The following PDHB variants were observed in gnomAD, a reference collection of about 807,000 sequenced individuals.
PDHB encodes the protein pyruvate dehydrogenase E1 subunit beta, also known as pyruvate dehydrogenase E1 component subunit beta, mitochondrial.
In PDHB, 17 loss-of-function variants were observed where a neutral mutation model predicts 42.8. The ratio of observed to expected loss-of-function variants is 0.40; its 90% CI spans 0.27 to 0.60. PDHB has a LOEUF of 0.60. PDHB is among the 20% of genes least tolerant of loss of function. PDHB has a pLI of 0.46. For missense variants in PDHB, 322 were observed against 451.3 expected, an observed-to-expected ratio of 0.71 and a Z score of 2.60; for synonymous variants, 154 against 148.7, an observed-to-expected ratio of 1.04 and a Z score of -0.26.
chr3:58,430,995 T>C (rs2107939927), intron 5 of PDHB, 53 bp from the exon 6 acceptor site: 3 of 1,511,870 alleles, frequency 2.0e-6, no homozygotes, highest in East Asian at 4.5e-5. Flanking sequence ...CAACAAACAG[T>C]AGCAAACAAA....
At position 58,431,339 on chromosome 3, in the gene PDHB, A is replaced by C. The variant is rs1411889701; in HGVS notation, c.303+254T>G. ...CAAGGCGGTCGGATCACTTGAGGCC[A>C]GGAGTTCAAGACCAGCCTGGCCAAC... On this transcript the variant is annotated intron_variant, in intron 5 of 9. Coordinates refer to ENST00000302746, the MANE Select transcript of PDHB (RefSeq NM_000925.4). The surrounding 1 kb of genome is among the most constrained non-coding windows in gnomAD (Gnocchi z 4.4). 4 of 497,726 alleles carry C rather than the reference A, an allele frequency of 8.0e-6. No homozygotes were observed. The highest frequency in any genetic ancestry group is 1.1e-5 in the Non-Finnish European group (3 of 275,830). 30.8% of individuals were successfully genotyped at this position (497,726 alleles called of 1,614,324 possible). A position where few individuals can be genotyped will look rare whatever the true frequency, so the allele number is the denominator to read the frequency against.
intron 2 of PDHB, 69 bp downstream of exon 2, chr3:58,433,562 T>G: frequency 1.3e-6 from 2 of 1,522,416 alleles, no homozygotes; most frequent in African/African-American, 1.4e-5. Flanking sequence ...CAGGCGCGAC[T>G]CCGGCCTCCT....
At position 58,428,183 on chromosome 3, in the gene PDHB, G is replaced by A; in HGVS notation, c.935-4C>T. The A allele has an allele frequency of 6.2e-7, 1 of 1,613,822 alleles. No homozygotes were observed. Among genetic ancestry groups the A allele is most frequent in the East Asian group, 2.2e-5 (1 of 44,902 alleles). Reference sequence around the variant, plus strand: ...TCCAGGAAATTGAACGCAGGACCTAGGAGAAGGAAGGCTCAACTGAGAGAG... The same window carrying A: ...TCCAGGAAATTGAACGCAGGACCTAAGAGAAGGAAGGCTCAACTGAGAGAG... On this transcript the variant is annotated splice_polypyrimidine_tract_variant and splice_region_variant and intron_variant, in intron 9 of 9. Transcript: ENST00000302746.
At chr3:58,432,101 G>A (rs1320437765) in intron 2 of PDHB, 117 bp from the exon 3 acceptor site, 1 of 735,736 alleles carries the variant, frequency 1.4e-6, no homozygotes, top group Non-Finnish European at 2.4e-6. Flanking sequence ...ACTAGAACAA[G>A]CTTCTCTCTA....
At position 58,433,796 on chromosome 3, in the gene PDHB, G is replaced by C. The variant is rs1053613186; in HGVS notation, c.14C>G (p.Ser5Cys). MAAV[S>C]GLVRRPLREV... Reference sequence around the variant, plus strand: ...CCGAAGGGGTCTCCGCACCAAGCCAGACACCGCCGCCATCTTGGTCGTGTC... The same window carrying C: ...CCGAAGGGGTCTCCGCACCAAGCCACACACCGCCGCCATCTTGGTCGTGTC... Residue 5 changes from serine (S) to cysteine (C), a missense_variant, in exon 1 of 10, where the codon TCT becomes TGT. Coordinates refer to ENST00000302746, the MANE Select transcript of PDHB (RefSeq NM_000925.4). 3.7e-6 allele frequency: 6 copies of C among 1,611,722 alleles called. No homozygotes were observed. Among genetic ancestry groups the C allele is most frequent in the East Asian group, 2.2e-5 (1 of 44,812 alleles).
At position 58,433,788 on chromosome 3, in the gene PDHB, C is replaced by T. The variant is rs769880461; in HGVS notation, c.22G>A (p.Val8Met). 2.5e-6 allele frequency: 4 copies of T among 1,612,082 alleles called. No homozygotes were observed. Among genetic ancestry groups the T allele is most frequent in the Non-Finnish European group, 3.4e-6 (4 of 1,179,572 alleles). MAAVSGL[V>M]RRPLREVSGL... ...CCTACCTCCCGAAGGGGTCTCCGCA[C>T]CAAGCCAGACACCGCCGCCATCTTG... is the stretch of plus-strand genomic sequence containing the variant. Residue 8 changes from valine to methionine, a missense_variant, in exon 1 of 10, where the codon GTG (valine) becomes ATG (methionine). By Grantham distance (21) the Val-to-Met change is conservative. Coordinates refer to ENST00000302746, the MANE Select transcript of PDHB (RefSeq NM_000925.4).
chr3:58,431,759 T>C lies in PDHB; in HGVS notation c.239A>G (p.Lys80Arg), dbSNP rs1455283629. Residue 80 changes from lysine (K) to arginine (R), a missense_variant, in exon 4 of 10, where the codon AAG (lysine) becomes AGG (arginine). This residue lies in a region of PDHB where 56 missense variants were observed against 124.2 expected (regional missense o/e 0.45). Coordinates refer to ENST00000302746, the MANE Select transcript of PDHB (RefSeq NM_000925.4). This position sits in a 1 kb window ranked among gnomAD's most constrained non-coding sequence, Gnocchi z 4.4. ...TGATATGGGAGTGTCAATAATCCTC[T>C]TGTCTCCATATTTCTTCCACAGCCC... Reference protein sequence around the residue: ...SRGLWKKYGDKRIIDTPISEM... With the variant: ...SRGLWKKYGDRRIIDTPISEM... 3.1e-6 allele frequency: 5 copies of C among 1,613,958 alleles called. No individual in the cohort carries two copies. Among genetic ancestry groups the C allele is most frequent in the Middle Eastern group, 1.6e-4 (1 of 6,062 alleles).
intron 9 of PDHB, 47 bp downstream of exon 9, chr3:58,428,426 G>A (rs1464962619): frequency 3.1e-6 from 5 of 1,595,122 alleles, no homozygotes; most frequent in Non-Finnish European, 4.3e-6. Context: ...GGTACATGAT[G>A]TTTACTATAG....
At position 58,433,751 on chromosome 3, in the gene PDHB, C is replaced by T. The variant is rs758723673; in HGVS notation, c.42+17G>A. The stretch of plus-strand genomic sequence containing the variant: ...GCAGGGGTCGCGTGGGAATACAGGC[C>T]GCGCGCTGCTGCCTACCTCCCGAAG... On this transcript the variant is annotated intron_variant, in intron 1 of 9. Coordinates refer to ENST00000302746, the MANE Select transcript of PDHB (RefSeq NM_000925.4). The T allele has an allele frequency of 3.1e-6, 5 of 1,612,190 alleles. No homozygotes were observed. Among genetic ancestry groups the T allele is most frequent in the Admixed American group, 3.3e-5 (2 of 59,878 alleles).
intron 6 of PDHB, 50 bp downstream of exon 6, chr3:58,430,602 TATATC>T: frequency 1.4e-6 from 2 of 1,405,338 alleles, no homozygotes; most frequent in Non-Finnish European, 2.0e-6. Context: ...TCTGTGCAAA[TATATC>T]ATTTTAGTTT....
intron 8 of PDHB, chr3:58,428,877 G>A: frequency 2.2e-6 from 1 of 461,114 alleles, no homozygotes; most frequent in South Asian, 2.3e-5. Flanking sequence ...CTTTTGGGAT[G>A]GAGTTTTGCT....
rs1034162492 is a variant in PDHB, at chr3:58,431,352, C to A, written c.303+241G>T. The A allele has an allele frequency of 3.9e-6, 2 of 511,114 alleles. No individual in the cohort carries two copies. Among genetic ancestry groups the A allele is most frequent in the Non-Finnish European group, 7.0e-6 (2 of 284,218 alleles). 31.7% of individuals were successfully genotyped at this position (511,114 alleles called of 1,614,324 possible). On this transcript the variant is annotated intron_variant, in intron 5 of 9. Coordinates refer to ENST00000302746, the MANE Select transcript of PDHB (RefSeq NM_000925.4). This position sits in a 1 kb window ranked among gnomAD's most constrained non-coding sequence, Gnocchi z 4.4. ...TCACTTGAGGCCAGGAGTTCAAGAC[C>A]AGCCTGGCCAACATGGTAAAACCCC...
rs777639555 is a variant in PDHB, at chr3:58,430,831, G to A, written c.415C>T (p.Pro139Ser). The A allele has an allele frequency of 6.2e-6, 10 of 1,614,042 alleles. No homozygotes were observed. Among genetic ancestry groups the A allele is most frequent in the Admixed American group, 3.3e-5 (2 of 60,012 alleles). Reference protein sequence around the residue: ...KTYYMSGGLQPVPIVFRGPNG... With the variant: ...KTYYMSGGLQSVPIVFRGPNG... ...GGCCCTCTGAAGACTATAGGCACAG[G>A]CTGAAGGCCACCAGACATGTAGTAG... Residue 139 changes from proline to serine, a missense_variant, in exon 6 of 10, where the codon CCT becomes TCT. By Grantham distance (74) the Pro-to-Ser change is moderately conservative. Around this residue, in one of 3 missense-constraint regions of PDHB, gnomAD observed 208 missense variants for 285.0 expected, o/e 0.73. Transcript: ENST00000302746.
rs751689672 is a variant in PDHB at position 58,431,854 on chromosome 3, T to C, written c.204+23A>G. On this transcript the variant is annotated intron_variant, in intron 3 of 9. Transcript: ENST00000302746. This position sits in a 1 kb window ranked among gnomAD's most constrained non-coding sequence, Gnocchi z 4.4. Reference sequence around the variant, plus strand: ...GGGTAACAGTGACCTCAATTTTGTATAACTTTCATATATTTTAGTTACCTT... The same window carrying C: ...GGGTAACAGTGACCTCAATTTTGTACAACTTTCATATATTTTAGTTACCTT... 8 of 1,607,436 alleles carry C rather than the reference T, an allele frequency of 5.0e-6. No individual in the cohort carries two copies. The highest frequency in any genetic ancestry group is 1.3e-5 in the African/African-American group (1 of 74,794).
Position 58,427,775 on chromosome 3 carries a change from A to G in PDHB, c.*259T>C, listed in dbSNP as rs1448778075. 2 of 536,438 alleles carry G rather than the reference A, an allele frequency of 3.7e-6. No individual in the cohort carries two copies. The highest frequency in any genetic ancestry group is 2.2e-5 in the Admixed American group (1 of 45,082). 33.2% of individuals were successfully genotyped at this position (536,438 alleles called of 1,614,324 possible). A position where few individuals can be genotyped will look rare whatever the true frequency, so the allele number is the denominator to read the frequency against. On this transcript the variant is annotated 3_prime_UTR_variant, in exon 10 of 10. Coordinates refer to ENST00000302746, the MANE Select transcript of PDHB (RefSeq NM_000925.4). Reference sequence around the variant, plus strand: ...ACATCCATACTTTGTCCTTGTGGTGAGAGAGGATAAAATGTTATATAATTT... The same window carrying G: ...ACATCCATACTTTGTCCTTGTGGTGGGAGAGGATAAAATGTTATATAATTT...
chr3:58,432,460 G>A (rs773459711), intron 2 of PDHB: 14 of 201,490 alleles, frequency 6.9e-5, no homozygotes, highest in South Asian at 1.6e-4. Context: ...ACTCTGGGAG[G>A]CCAAGGCAGG....
At chr3:58,433,514 C>T (rs2062942124) in intron 2 of PDHB, 117 bp downstream of exon 2, 1 of 1,166,516 alleles carries the variant, frequency 8.6e-7, no homozygotes, top group Non-Finnish European at 1.2e-6. Context: ...ATGCTGGCTC[C>T]GCAAACCCAA....
chr3:58,429,648 G>T, intron 8 of PDHB, 60 bp downstream of exon 8: 1 of 1,004,696 alleles, frequency 1.0e-6, no homozygotes, highest in Non-Finnish European at 1.6e-6. Context: ...GAACTCTTCT[G>T]GGTCTTAAAT....
chr3:58,427,770 T>G lies in PDHB; in HGVS notation c.*264A>C. The G allele has an allele frequency of 1.9e-6, 1 of 529,170 alleles. No individual in the cohort carries two copies. The highest frequency in any genetic ancestry group is 3.6e-6 in the Non-Finnish European group (1 of 277,230). The allele number at this position is 529,170 out of a possible 1,614,324, so 32.8% of individuals were successfully genotyped here. On this transcript the variant is annotated 3_prime_UTR_variant, in exon 10 of 10. Coordinates refer to ENST00000302746, the MANE Select transcript of PDHB (RefSeq NM_000925.4). ...CTGCCACATCCATACTTTGTCCTTG[T>G]GGTGAGAGAGGATAAAATGTTATAT...
Sources: gnomAD v4.1 joint callset for allele counts on GRCh38, gnomAD v4.1.1 for gene constraint, gnomAD v4.1.1 regional missense constraint, Gnocchi (gnomAD v3.1) non-coding constraint, MANE v1.5 for transcripts, NCBI Gene and HGNC (gene_info 2026-07-23, HGNC 2026-07-21) for gene names.